GNAI3: variants seen among roughly 807,000 people sequenced by gnomAD.
The protein encoded by GNAI3 is guanine nucleotide-binding protein G(i) subunit alpha-3.
A neutral mutation model predicts 41.8 loss-of-function variants in GNAI3; 12 were observed. The observed-to-expected ratio is 0.29, with a 90% CI of 0.18 to 0.47. GNAI3 has a LOEUF of 0.47. Ranked by LOEUF, GNAI3 falls within the 20% of genes least tolerant of loss-of-function variation. GNAI3 has a pLI of 1.00. For synonymous variants in GNAI3, 132 were observed against 146.5 expected, an observed-to-expected ratio of 0.90 and a Z score of 0.71; for missense variants, 360 against 429.6, an observed-to-expected ratio of 0.84 and a Z score of 1.43.
rs1649289444 is a variant in GNAI3, at chr1:109,595,863, T to G, written c.*3541T>G. 1 of 152,172 alleles carries G rather than the reference T, an allele frequency of 6.6e-6. No homozygotes were observed. Among genetic ancestry groups the G allele is most frequent in the Admixed American group, 6.5e-5 (1 of 15,282 alleles). The allele number at this position is 152,172 out of a possible 1,614,324, so 9.4% of individuals were successfully genotyped here. ...AAAAAATAAGCAACCCTCTACTCAT[T>G]TGTATAAACCTAAAACGTCACTGTT... On this transcript the variant is annotated 3_prime_UTR_variant, in exon 9 of 9. Coordinates refer to ENST00000369851, the MANE Select transcript of GNAI3 (RefSeq NM_006496.4).
At position 109,597,177 on chromosome 1, in the gene GNAI3, A is replaced by G. The variant is rs1461531981; in HGVS notation, c.*4855A>G. The stretch of plus-strand genomic sequence containing the variant: ...TGCTCAATCTATATTAAAGATCAAC[A>G]CAGGCTGAGCACAGTGGCTCATGTC... On this transcript the variant is annotated 3_prime_UTR_variant, in exon 9 of 9. Coordinates refer to ENST00000369851, the MANE Select transcript of GNAI3 (RefSeq NM_006496.4). 1.3e-5 allele frequency: 2 copies of G among 152,100 alleles called. No individual in the cohort carries two copies. The highest frequency in any genetic ancestry group is 4.8e-5 in the African/African-American group (2 of 41,410). The allele number at this position is 152,100 out of a possible 1,614,324, so 9.4% of individuals were successfully genotyped here. A position where few individuals can be genotyped will look rare whatever the true frequency, so the allele number is the denominator to read the frequency against.
chr1:109,588,368 CAAAA>C (rs67924853), intron 7 of GNAI3, among the ~76,000 whole-genome samples: 1 of 116,882 alleles, frequency 8.6e-6, no homozygotes, highest in African/African-American at 3.1e-5. Context: ...GGCGACTGAG[CAAAA>C]AAAAAAAAAA....
chr1:109,552,249 A>G (rs1333540741), intron 1 of GNAI3, among the ~76,000 whole-genome samples: 1 of 152,158 alleles, frequency 6.6e-6, no homozygotes, highest in Admixed American at 6.5e-5. Flanking sequence ...AAAAAATACC[A>G]TGCAAAGCTT....
chr1:109,576,643 C>T lies in GNAI3; in HGVS notation c.304-2561C>T, dbSNP rs185894639. ...AAGCGATTCTCCTGCCTCAGCCTCC[C>T]GAGTAGCTGGGATTATAGGCATGCA... On this transcript the variant is annotated intron_variant, in intron 3 of 8. Coordinates refer to ENST00000369851, the MANE Select transcript of GNAI3 (RefSeq NM_006496.4). Among the ~76,000 whole-genome samples the T allele has an allele frequency of 4.2e-3, 644 of 152,138 alleles. 6 individuals are homozygous for T. The highest frequency in any genetic ancestry group is 0.014 in the African/African-American group (579 of 41,508).
At chr1:109,557,456 A>G (rs1311153585) in intron 1 of GNAI3, among the ~76,000 whole-genome samples, 3 of 152,122 alleles carry the variant, frequency 2.0e-5, no homozygotes, top group Admixed American at 6.5e-5. Flanking sequence ...TTTTGCCCAT[A>G]AGGAATAGGA....
At chr1:109,579,845 G>T (rs1648842549) in intron 4 of GNAI3, among the ~76,000 whole-genome samples, 1 of 152,218 alleles carries the variant, frequency 6.6e-6, no homozygotes, top group Non-Finnish European at 1.5e-5. Flanking sequence ...AGAAGGTTGA[G>T]TCATGGAATG....
Position 109,582,534 on chromosome 1 carries a change from A to G in GNAI3, c.559A>G (p.Thr187Ala). The change falls in exon 5 of 9, where the codon ACA becomes GCA. Residue 187 changes from threonine to alanine, a missense_variant. Physicochemically the swap from Thr to Ala is moderately conservative, Grantham distance 58. Coordinates refer to ENST00000369851, the MANE Select transcript of GNAI3 (RefSeq NM_006496.4). Reference sequence around the variant, plus strand: ...AGTGAAGACCACAGGCATTGTAGAAACACATTTCACCTTCAAAGACCTATA... The same window carrying G: ...AGTGAAGACCACAGGCATTGTAGAAGCACATTTCACCTTCAAAGACCTATA... The part of the protein sequence containing the change: ...TRVKTTGIVE[T>A]HFTFKDLYFK... 1 of 1,608,258 alleles carries G rather than the reference A, an allele frequency of 6.2e-7. No individual in the cohort carries two copies. The highest frequency in any genetic ancestry group is 8.5e-7 in the Non-Finnish European group (1 of 1,174,686).
intron 1 of GNAI3, among the ~76,000 whole-genome samples, chr1:109,557,337 G>A (rs918009121): frequency 6.6e-6 from 1 of 152,054 alleles, no homozygotes; most frequent in African/African-American, 2.4e-5. Flanking sequence ...CCTTATATAT[G>A]GTTATTTATA....
Position 109,548,709 on chromosome 1 carries a change from C to T in GNAI3, c.-12C>T. On this transcript the variant is annotated 5_prime_UTR_variant, in exon 1 of 9. Transcript: ENST00000369851. ...GTGAGTCCGGGCCCGTGTCCCCTCT[C>T]CCGCCGCCGCCATGGGCTGCACGTT... 1 of 1,599,208 alleles carries T rather than the reference C, an allele frequency of 6.3e-7. No individual in the cohort carries two copies. The highest frequency in any genetic ancestry group is 8.6e-7 in the Non-Finnish European group (1 of 1,167,648).
At position 109,586,249 on chromosome 1, in the gene GNAI3, A is replaced by G. The variant is rs753661533; in HGVS notation, c.624A>G (p.Arg208=). 1.2e-6 allele frequency: 2 copies of G among 1,613,672 alleles called. No individual in the cohort carries two copies. Among genetic ancestry groups the G allele is most frequent in the East Asian group, 4.5e-5 (2 of 44,864 alleles). ...ATGTAGGTGGCCAAAGATCAGAACG[A>G]AAAAAGTGGATTCACTGTTTTGAGG... ...MFDVGGQRSE[R]KKWIHCFEGV... Residue 208 remains arginine, a synonymous_variant, in exon 6 of 9, where the codon CGA becomes CGG. Transcript: ENST00000369851.
chr1:109,598,892 G>C lies in GNAI3; in HGVS notation c.*6570G>C. On this transcript the variant is annotated 3_prime_UTR_variant, in exon 9 of 9. Transcript: ENST00000369851. The stretch of plus-strand genomic sequence containing the variant: ...AATCCTTCTGGAATCTGTGCTCTGG[G>C]GGCTGTGCCGGGTAGAGAGGGCAGT... The C allele has an allele frequency of 3.7e-6, 2 of 534,698 alleles. No homozygotes were observed. The highest frequency in any genetic ancestry group is 1.4e-5 in the South Asian group (1 of 71,676). 33.1% of individuals were successfully genotyped at this position (534,698 alleles called of 1,614,324 possible).
chr1:109,579,912 G>T (rs1399940251), intron 4 of GNAI3, among the ~76,000 whole-genome samples: 2 of 152,170 alleles, frequency 1.3e-5, no homozygotes, highest in Non-Finnish European at 2.9e-5. Flanking sequence ...TAGTTTTAGA[G>T]AATTTGTAAT....
chr1:109,552,977 C>G (rs1648030172), intron 1 of GNAI3, among the ~76,000 whole-genome samples: 2 of 152,092 alleles, frequency 1.3e-5, no homozygotes, highest in Admixed American at 6.5e-5. Context: ...ATATGTAAAG[C>G]AGAGATGATG....
intron 6 of GNAI3, 124 bp downstream of exon 6, chr1:109,586,469 G>T (rs908688264): frequency 1.4e-5 from 14 of 976,636 alleles, no homozygotes; most frequent in East Asian, 2.5e-5. Flanking sequence ...TAATTTTTTT[G>T]ATCTGTGCCC....
intron 1 of GNAI3, among the ~76,000 whole-genome samples, chr1:109,566,111 GAAT>G (rs1557905215): frequency 1.3e-5 from 2 of 152,190 alleles, no homozygotes; most frequent in African/African-American, 2.4e-5. Context: ...TGGTCAAAGG[GAAT>G]AATCTGTGCC....
rs143476268 is a variant in GNAI3 at position 109,548,801 on chromosome 1, G to A, written c.81G>A (p.Gly27=). The change falls in exon 1 of 9, where the codon GGG becomes GGA. Residue 27 remains glycine (G), a synonymous_variant. Transcript: ENST00000369851. The part of the protein sequence containing the change: ...KMIDRNLRED[G]EKAAKEVKLL... ...TCGACCGCAACTTACGGGAGGACGG[G>A]GAAAAAGCGGCCAAAGAAGTGAAGC... 52 of 1,612,154 alleles carry A rather than the reference G, an allele frequency of 3.2e-5. No homozygotes were observed. The highest frequency in any genetic ancestry group is 9.3e-5 in the African/African-American group (7 of 74,936).
intron 4 of GNAI3, 96 bp downstream of exon 4, chr1:109,579,457 C>A: frequency 1.3e-6 from 1 of 755,512 alleles, no homozygotes; most frequent in Non-Finnish European, 2.2e-6. Context: ...AAGTAATAGA[C>A]ACTCTTAGAC....
intron 1 of GNAI3, among the ~76,000 whole-genome samples, chr1:109,564,482 T>G (rs138672594): frequency 6.6e-6 from 1 of 152,316 alleles, no homozygotes; most frequent in Non-Finnish European, 1.5e-5. Flanking sequence ...TGCATATTTT[T>G]CTGTTCTCTT....
chr1:109,584,998 A>G (rs1042329441), intron 5 of GNAI3, among the ~76,000 whole-genome samples: 1 of 152,226 alleles, frequency 6.6e-6, no homozygotes, highest in Non-Finnish European at 1.5e-5. Flanking sequence ...GATCAACCCA[A>G]AGGAAGAGTT....
Sources: gnomAD v4.1 joint callset for allele counts (sites outside exome capture counted in the v4.1 genomes callset) on GRCh38, gnomAD v4.1.1 for gene constraint, MANE v1.5 for transcripts, NCBI Gene and HGNC (gene_info 2026-07-23, HGNC 2026-07-21) for gene names.